PCDHAC2: variants seen among roughly 807,000 people sequenced by gnomAD.
The protein encoded by PCDHAC2 is protocadherin alpha subfamily C, 2.
Under a neutral mutation model 63.3 loss-of-function variants are expected in PCDHAC2, and 24 were observed. The observed-to-expected ratio is 0.38, with a 90% CI of 0.27 to 0.53. The LOEUF (loss-of-function observed/expected upper bound fraction) is 0.53, where lower values mean the gene tolerates loss of function less well. Among genes scored for constraint, PCDHAC2 ranks in the 20% least tolerant of loss-of-function variants. The pLI, the probability that PCDHAC2 is intolerant of heterozygous loss-of-function variation, is 0.81. For synonymous variants in PCDHAC2, 569 were observed against 529.4 expected (o/e 1.07, Z -1.03); for missense variants, 1,181 against 1,275.2 (o/e 0.93, Z 1.12).
intron 1 of PCDHAC2, among the ~76,000 whole-genome samples, chr5:140,978,200 C>T (rs2096792236): frequency 6.6e-6 from 1 of 152,220 alleles, no homozygotes. Context: ...TTTCAATACA[C>T]AACTAATGCA....
chr5:140,985,273 T>C (rs1554246915), intron 3 of PCDHAC2, among the ~76,000 whole-genome samples: 1 of 152,178 alleles, frequency 6.6e-6, no homozygotes, highest in African/African-American at 2.4e-5. Context: ...GGACTACTTT[T>C]CTGCAATCTA....
At chr5:141,000,415 A>ATT (rs1563651650) in intron 3 of PCDHAC2, among the ~76,000 whole-genome samples, 4 of 87,388 alleles carry the variant, frequency 4.6e-5, no homozygotes, top group African/African-American at 1.5e-4. Flanking sequence ...ATATATATAT[A>ATT]TATATATTTT....
At position 140,967,017 on chromosome 5, in the gene PCDHAC2, C is replaced by T; in HGVS notation, c.251C>T (p.Ala84Val). Residue 84 changes from alanine (A) to valine (V), a missense_variant, in exon 1 of 4, where the codon GCG (alanine) becomes GTG (valine). Physicochemically the swap from Ala to Val is moderately conservative, Grantham distance 64. Transcript: ENST00000289269. ...TGCTTGCGCATCAACCATCTGGGTG[C>T]GCCCAGTCCGCGCTACCTGGAGCTG... ...PGCLRINHLG[A>V]PSPRYLELDL... is the part of the protein sequence containing the mutation. 6.2e-7 allele frequency: 1 copy of T among 1,606,892 alleles called. No individual in the cohort carries two copies. The highest frequency in any genetic ancestry group is 8.5e-7 in the Non-Finnish European group (1 of 1,177,580).
Position 140,967,453 on chromosome 5 carries a change from C to A in PCDHAC2, c.687C>A (p.Ala229=), listed in dbSNP as rs782630345. 1 of 1,613,556 alleles carries A rather than the reference C, an allele frequency of 6.2e-7. No homozygotes were observed. The highest frequency in any genetic ancestry group is 8.5e-7 in the Non-Finnish European group (1 of 1,179,874). ...CCTTGCACCACCTGGTTCTCACAGC[C>A]GTGGATGGGGGCATCCCAGCCCGCT... The part of the protein sequence containing the change: ...QAALHHLVLT[A]VDGGIPARSG... The change falls in exon 1 of 4, where the codon GCC becomes GCA. Residue 229 remains alanine, a synonymous_variant. Transcript: ENST00000289269.
Position 140,985,833 on chromosome 5 carries a change from G to A in PCDHAC2, c.2713+3270G>A, listed in dbSNP as rs1458914557. Among the ~76,000 whole-genome samples the A allele has an allele frequency of 2.8e-5, 4 of 143,674 alleles. No homozygotes were observed. In the East Asian group the frequency reaches 6.5e-4, roughly 23 times the overall value. The allele number at this position is 143,674 out of a possible 152,430, so 94.3% of individuals were successfully genotyped here. A position where few individuals can be genotyped will look rare whatever the true frequency, so the allele number is the denominator to read the frequency against. ...CAGCTCACAACAAGCTCTGCCTCCC[G>A]GGTTCATGCCACTCTCCTGCCTCAG... On this transcript the variant is annotated intron_variant, in intron 3 of 3. Coordinates refer to ENST00000289269, the MANE Select transcript of PCDHAC2 (RefSeq NM_018899.6).
At chr5:140,980,684 GAAAA>G (rs782726576) in intron 2 of PCDHAC2, among the ~76,000 whole-genome samples, 3 of 145,064 alleles carry the variant, frequency 2.1e-5, no homozygotes, top group Non-Finnish European at 4.6e-5. Flanking sequence ...TTTTCAAATT[GAAAA>G]AAAAAAGCCA....
At chr5:140,997,116 C>A (rs1554255739) in intron 3 of PCDHAC2, among the ~76,000 whole-genome samples, 1 of 152,054 alleles carries the variant, frequency 6.6e-6, no homozygotes, top group Non-Finnish European at 1.5e-5. Context: ...CCTGCTCTCC[C>A]ACATACACAA....
chr5:140,976,685 T>TTGC (rs1279936534), intron 1 of PCDHAC2, among the ~76,000 whole-genome samples: 2 of 152,238 alleles, frequency 1.3e-5, no homozygotes, highest in East Asian at 3.8e-4. Flanking sequence ...TTTTGCAATT[T>TTGC]AAGTACAATA....
intron 3 of PCDHAC2, among the ~76,000 whole-genome samples, chr5:140,994,878 A>G (rs1034578696): frequency 2.0e-5 from 3 of 152,170 alleles, no homozygotes; most frequent in Non-Finnish European, 4.4e-5. Context: ...GAATAAAGAG[A>G]TGTTAGGAAA....
At chr5:140,985,532 G>T (rs1358120172) in intron 3 of PCDHAC2, among the ~76,000 whole-genome samples, 1 of 152,072 alleles carries the variant, frequency 6.6e-6, no homozygotes, top group Non-Finnish European at 1.5e-5. Context: ...AAAGCTTCAC[G>T]GTGAAGATGC....
intron 1 of PCDHAC2, among the ~76,000 whole-genome samples, chr5:140,971,002 C>A (rs2096450018): frequency 6.6e-6 from 1 of 152,136 alleles, no homozygotes; most frequent in Non-Finnish European, 1.5e-5. Context: ...CAAAGAGTTT[C>A]CAGAAGTCTT....
At chr5:140,976,666 A>G (rs1260651584) in intron 1 of PCDHAC2, among the ~76,000 whole-genome samples, 4 of 152,188 alleles carry the variant, frequency 2.6e-5, no homozygotes, top group African/African-American at 9.6e-5. Flanking sequence ...CAAAGTTCAG[A>G]TGTCTCATTT....
At position 141,011,990 on chromosome 5, in the gene PCDHAC2, T is replaced by C. The variant is rs1554263765; in HGVS notation, c.*2053T>C. On this transcript the variant is annotated 3_prime_UTR_variant, in exon 4 of 4. Transcript: ENST00000289269. ...ACTGTCTTGTCTACTTTTAGCTTCA[T>C]TCTCCCATATTTTGAAGGGTGTGTA... 1 of 153,772 alleles carries C rather than the reference T, an allele frequency of 6.5e-6. No homozygotes were observed. The highest frequency in any genetic ancestry group is 1.5e-5 in the Non-Finnish European group (1 of 68,038). 9.5% of individuals were successfully genotyped at this position (153,772 alleles called of 1,614,324 possible). A position where few individuals can be genotyped will look rare whatever the true frequency, so the allele number is the denominator to read the frequency against.
Position 141,009,957 on chromosome 5 carries a change from G to T in PCDHAC2, c.*20G>T. ...CAGTGAGGTCCTCAAATGGAAACAA[G>T]CCACTTAGCCAGTTTTTGTAATAAT... On this transcript the variant is annotated 3_prime_UTR_variant, in exon 4 of 4. Coordinates refer to ENST00000289269, the MANE Select transcript of PCDHAC2 (RefSeq NM_018899.6). 1 of 1,589,160 alleles carries T rather than the reference G, an allele frequency of 6.3e-7. No homozygotes were observed. Among genetic ancestry groups the T allele is most frequent in the Non-Finnish European group, 8.5e-7 (1 of 1,171,102 alleles).
chr5:140,988,184 GGT>G (rs2153871318), intron 3 of PCDHAC2, among the ~76,000 whole-genome samples: 1 of 152,246 alleles, frequency 6.6e-6, no homozygotes, highest in East Asian at 1.9e-4. Flanking sequence ...AGTCCTGGGA[GGT>G]GTGTGCATAT....
rs114351206 is a variant in PCDHAC2 at position 140,991,799 on chromosome 5, G to A, written c.2713+9236G>A. Among the ~76,000 whole-genome samples the A allele has an allele frequency of 3.8e-3, 580 of 152,160 alleles. 3 individuals are homozygous for A. The highest frequency in any genetic ancestry group is 0.013 in the African/African-American group (548 of 41,490). On this transcript the variant is annotated intron_variant, in intron 3 of 3. Coordinates refer to ENST00000289269, the MANE Select transcript of PCDHAC2 (RefSeq NM_018899.6). ...ACTCTGCCCATTTCCCAATCTCAAG[G>A]CCACTTCCGCATTTTTAGGCATTTA... is the stretch of plus-strand genomic sequence containing the variant.
At chr5:140,990,737 C>T (rs2097410697) in intron 3 of PCDHAC2, among the ~76,000 whole-genome samples, 1 of 152,162 alleles carries the variant, frequency 6.6e-6, no homozygotes, top group African/African-American at 2.4e-5. Context: ...ATCAACAGCC[C>T]TAGGGTGGAT....
At chr5:140,972,344 C>T (rs1379310170) in intron 1 of PCDHAC2, among the ~76,000 whole-genome samples, 26 of 151,148 alleles carry the variant, frequency 1.7e-4, no homozygotes, top group African/African-American at 6.3e-4. Context: ...AGATGGGGGT[C>T]TCACTATGTT....
intron 3 of PCDHAC2, among the ~76,000 whole-genome samples, chr5:140,982,861 G>A (rs1356683030): frequency 1.3e-5 from 2 of 152,110 alleles, no homozygotes; most frequent in African/African-American, 4.8e-5. Flanking sequence ...CCTTTCAAAT[G>A]CTTAGGTCAT....
Sources: allele counts gnomAD v4.1 joint callset (sites outside exome capture counted in the v4.1 genomes callset), GRCh38; gene constraint gnomAD v4.1.1; transcripts MANE v1.5; gene names NCBI Gene and HGNC (gene_info 2026-07-23, HGNC 2026-07-21).